The following ZMYM6 variants were observed in gnomAD, a reference collection of about 807,000 sequenced individuals.
ZMYM6 encodes the protein zinc finger MYM-type containing 6.
A neutral mutation model predicts 134.0 loss-of-function variants in ZMYM6; 90 were observed. That is an observed-to-expected ratio of 0.67 (90% confidence interval 0.57 to 0.80). The LOEUF (loss-of-function observed/expected upper bound fraction) is 0.80, where lower values mean the gene tolerates loss of function less well. Ranked by LOEUF, ZMYM6 falls within the 30% of genes least tolerant of loss-of-function variation. ZMYM6 has a pLI of 0.00. For missense variants in ZMYM6, 1,362 were observed against 1,533.9 expected (o/e 0.89, Z 1.87); for synonymous variants, 481 against 524.1 (o/e 0.92, Z 1.12).
At chr1:35,000,245 T>TTTTG (rs1491098262) in intron 14 of ZMYM6, among the ~76,000 whole-genome samples, 1 of 127,298 alleles carries the variant, frequency 7.9e-6, no homozygotes, top group Non-Finnish European at 1.5e-5. Flanking sequence ...ATTTTTTTTT[T>TTTTG]CTTTTTTTTT....
chr1:35,010,339 A>T, intron 10 of ZMYM6, 108 bp downstream of exon 10: 1 of 1,410,250 alleles, frequency 7.1e-7, no homozygotes, highest in Non-Finnish European at 9.6e-7. Flanking sequence ...ACTTCTAATT[A>T]CACCTTGTAA....
intron 15 of ZMYM6, 111 bp from the exon 16 acceptor site, chr1:34,989,046 A>G (rs1640621164): frequency 2.7e-6 from 4 of 1,496,716 alleles, no homozygotes; most frequent in Non-Finnish European, 3.5e-6. Flanking sequence ...CTATTTATCA[A>G]AAGAATGCAC....
At chr1:35,019,631 G>C (rs1483734660) in intron 3 of ZMYM6, 29 bp from the exon 4 acceptor site, 1 of 1,555,126 alleles carries the variant, frequency 6.4e-7, no homozygotes, top group African/African-American at 1.4e-5. Flanking sequence ...AAAAGTTTTA[G>C]TATCAATACT....
chr1:35,020,510 T>G, intron 2 of ZMYM6, 43 bp from the exon 3 acceptor site: 1 of 1,430,552 alleles, frequency 7.0e-7, no homozygotes, highest in Non-Finnish European at 9.4e-7. Flanking sequence ...ATGAATACAA[T>G]GTATGTAAGT....
chr1:35,008,815 C>A lies in ZMYM6; in HGVS notation c.1602G>T (p.Glu534Asp). ...CACAACAAAACTCTTCTAACTTGCCCTCCAATCGATTTTCTACCAAATTTG... is the reference window on the plus strand; with the variant it reads ...CACAACAAAACTCTTCTAACTTGCCATCCAATCGATTTTCTACCAAATTTG... ...TSPNLVENRL[E>D]GKLEEFCCED... The change falls in exon 11 of 16, where the codon GAG becomes GAT. Residue 534 changes from glutamate (E) to aspartate (D), a missense_variant. Glu to Asp is a conservative substitution (Grantham distance 45, BLOSUM62 2). Transcript: ENST00000357182. The A allele has an allele frequency of 6.2e-7, 1 of 1,614,152 alleles. No individual in the cohort carries two copies. Among genetic ancestry groups the A allele is most frequent in the South Asian group, 1.1e-5 (1 of 91,084 alleles).
chr1:34,987,826 G>A lies in ZMYM6; in HGVS notation c.3256C>T (p.Arg1086Ter), dbSNP rs372941645. ...GRMLKRLFEL[R>*]HEIEIFLSQK... ...CTTAAAAATATTTCAATCTCATGTC[G>A]TAATTCAAATAATCTTTTTAACATT... Residue 1086 changes from arginine to a stop codon, truncating the protein, a stop_gained, in exon 16 of 16, where the codon CGA becomes TGA. Transcript: ENST00000357182. LOFTEE classifies it high-confidence loss of function. 87 of 1,550,540 alleles carry A rather than the reference G, an allele frequency of 5.6e-5. No individual in the cohort carries two copies. Among genetic ancestry groups the A allele is most frequent in the Non-Finnish European group, 7.1e-5 (81 of 1,146,712 alleles).
At position 35,021,301 on chromosome 1, in the gene ZMYM6, C is replaced by T. The variant is rs191509213; in HGVS notation, c.94-834G>A. On this transcript the variant is annotated intron_variant, in intron 2 of 15. Coordinates refer to ENST00000357182, the MANE Select transcript of ZMYM6 (RefSeq NM_007167.4). ...GAATACAGGCTTGCGCTACCACACC[C>T]GGCGAATTTTTGTGTTTTTTTCCAG... Among the ~76,000 whole-genome samples, 468 of 151,772 alleles carry T rather than the reference C, an allele frequency of 3.1e-3. 2 individuals carry two copies. Among genetic ancestry groups the T allele is most frequent in the African/African-American group, 0.01 (429 of 41,396 alleles).
intron 2 of ZMYM6, among the ~76,000 whole-genome samples, chr1:35,025,053 T>G (rs910598497): frequency 6.6e-6 from 1 of 152,082 alleles, no homozygotes; most frequent in Non-Finnish European, 1.5e-5. Context: ...GTATTTTTAG[T>G]AGAGTTGTGG....
intron 15 of ZMYM6, 48 bp from the exon 16 acceptor site, chr1:34,988,983 A>G (rs1001878297): frequency 3.2e-6 from 5 of 1,568,082 alleles, no homozygotes; most frequent in Non-Finnish European, 2.6e-6. Context: ...CAAATAAGCA[A>G]TGTTCTTTAT....
chr1:34,988,755 G>GATAA lies in ZMYM6; in HGVS notation c.2323_2326dup (p.Ser776PhefsTer4). The GATAA allele has an allele frequency of 6.4e-7, 1 of 1,551,474 alleles. No homozygotes were observed. Among genetic ancestry groups the GATAA allele is most frequent in the Non-Finnish European group, 8.7e-7 (1 of 1,146,956 alleles). On this transcript the variant is annotated frameshift_variant, in exon 16 of 16. Coordinates refer to ENST00000357182, the MANE Select transcript of ZMYM6 (RefSeq NM_007167.4). LOFTEE classifies it high-confidence loss of function. ...ATTTGCTGGCTTCATGTTTTCACTG[G>GATAA]ATAAGATCTCTCCACAAATGACACA...
At chr1:35,017,559 T>C (rs1396015837) in intron 4 of ZMYM6, 2 of 152,186 alleles carry the variant, frequency 1.3e-5, no homozygotes, top group African/African-American at 4.8e-5. Flanking sequence ...ATCGTAACAT[T>C]TACCGTAGAA....
In ZMYM6 at chr1:35,005,022, C is replaced by T. The variant is rs1640941498; in HGVS notation, c.1954+110G>A. 3 of 1,311,816 alleles carry T rather than the reference C, an allele frequency of 2.3e-6. No homozygotes were observed. The South Asian group carries it at 4.2e-5, about 19-fold the overall frequency. The allele number at this position is 1,311,816 out of a possible 1,614,324, so 81.3% of individuals were successfully genotyped here. On this transcript the variant is annotated intron_variant, in intron 13 of 15. Transcript: ENST00000357182. ...GCAGTGAGTTGAGATCACGCCATTG[C>T]ACTCCAGCCTGGGCAACAAGAGTGA...
chr1:34,988,833 T>G lies in ZMYM6; in HGVS notation c.2249A>C (p.Lys750Thr). The G allele has an allele frequency of 1.3e-6, 2 of 1,577,632 alleles. No individual in the cohort carries two copies. Among genetic ancestry groups the G allele is most frequent in the Non-Finnish European group, 1.7e-6 (2 of 1,159,294 alleles). ...TCCAGGACAGATAATAAAACCAACTTTTAAATATTCTGTATCATAAGTCTG... is the reference window on the plus strand; with the variant it reads ...TCCAGGACAGATAATAAAACCAACTGTTAAATATTCTGTATCATAAGTCTG... ...FFQTYDTEYLKVGFIICPGSK... is the reference protein window; with the variant it reads ...FFQTYDTEYLTVGFIICPGSK... Residue 750 changes from lysine to threonine, a missense_variant, in exon 16 of 16, where the codon AAA becomes ACA. Physicochemically the swap from Lys to Thr is moderately conservative, Grantham distance 78. Transcript: ENST00000357182.
intron 2 of ZMYM6, among the ~76,000 whole-genome samples, chr1:35,026,473 T>C (rs895267061): frequency 2.0e-5 from 3 of 152,246 alleles, no homozygotes; most frequent in African/African-American, 7.2e-5. Context: ...TTTTCAATCA[T>C]AGTCTATACC....
chr1:35,019,314 A>G, intron 4 of ZMYM6, 39 bp downstream of exon 4: 3 of 1,613,914 alleles, frequency 1.9e-6, no homozygotes, highest in Non-Finnish European at 8.5e-7. Context: ...ACACACTAAA[A>G]AAAAGGTAAA....
At chr1:35,005,397 TC>T in intron 12 of ZMYM6, 125 bp from the exon 13 acceptor site, 2 of 1,034,138 alleles carry the variant, frequency 1.9e-6, no homozygotes, top group Non-Finnish European at 2.8e-6. Context: ...AATATCTGAT[TC>T]TGTATCATGT....
chr1:35,008,970 A>C (rs754337456), intron 10 of ZMYM6, 46 bp from the exon 11 acceptor site: 1 of 1,576,132 alleles, frequency 6.3e-7, no homozygotes, highest in East Asian at 2.2e-5. Flanking sequence ...ATTTACATTA[A>C]CTGAGGAGGT....
chr1:35,021,056 T>C (rs1005772158), intron 2 of ZMYM6, among the ~76,000 whole-genome samples: 1 of 151,734 alleles, frequency 6.6e-6, no homozygotes, highest in African/African-American at 2.4e-5. Context: ...CTATTCCAAA[T>C]GCTGAGCACT....
In ZMYM6 at chr1:34,988,324, T is replaced by C. The variant is rs767094063; in HGVS notation, c.2758A>G (p.Asn920Asp). ...LQIDESSEIS[N>D]ITLLLCYIRF... is the part of the protein sequence containing the mutation. The stretch of plus-strand genomic sequence containing the variant: ...ATATAGCACAAAAGAAGTGTGATAT[T>C]TGAGATTTCTGATGACTCATCTATC... The change falls in exon 16 of 16, where the codon AAT (asparagine) becomes GAT (aspartate). Residue 920 changes from asparagine to aspartate, a missense_variant. By Grantham distance (23) the Asn-to-Asp change is conservative (BLOSUM62 1). Transcript: ENST00000357182. 3.9e-5 allele frequency: 61 copies of C among 1,551,110 alleles called. 1 individual carries two copies. The highest frequency in any genetic ancestry group is 3.6e-4 in the South Asian group (30 of 83,918).
Sources: gnomAD v4.1 joint callset for allele counts (sites outside exome capture counted in the v4.1 genomes callset) on GRCh38, gnomAD v4.1.1 for gene constraint, MANE v1.5 for transcripts, NCBI Gene and HGNC (gene_info 2026-07-23, HGNC 2026-07-21) for gene names.